The following SPOCD1 variants were observed in gnomAD, a reference collection of about 807,000 sequenced individuals.
SPOCD1 encodes the protein SPOC domain containing 1.
In SPOCD1, 64 loss-of-function variants were observed where a neutral mutation model predicts 92.2. The ratio of observed to expected loss-of-function variants is 0.69; its 90% CI spans 0.57 to 0.86. The LOEUF (loss-of-function observed/expected upper bound fraction) is 0.86, where lower values mean the gene tolerates loss of function less well. Among genes scored for constraint, SPOCD1 ranks in the 40% least tolerant of loss-of-function variants. The probability of loss-of-function intolerance (pLI) is 0.00; values close to 1 mark genes in which losing one functional copy is unlikely to be tolerated. For synonymous variants in SPOCD1, 578 were observed against 619.3 expected (o/e 0.93, Z 0.99); for missense variants, 1,360 against 1,543.1 (o/e 0.88, Z 1.99).
rs1459843018 is a variant in SPOCD1, at chr1:31,792,659, C to G, written c.2775+19G>C. ...TAAGGTACTAGGAAAAGAGGGGGTG[C>G]CCAAGAGTGGGCAGGTACCTTGGCC... On this transcript the variant is annotated intron_variant, in intron 14 of 15. Coordinates refer to ENST00000360482, the MANE Select transcript of SPOCD1 (RefSeq NM_144569.7). 6.4e-7 allele frequency: 1 copy of G among 1,568,584 alleles called. No individual in the cohort carries two copies. Among genetic ancestry groups the G allele is most frequent in the East Asian group, 2.3e-5 (1 of 43,386 alleles).
At chr1:31,792,186 A>AT in intron 15 of SPOCD1, 29 bp downstream of exon 15, 1 of 1,574,994 alleles carries the variant, frequency 6.3e-7, no homozygotes. Flanking sequence ...GAGCAGAGGC[A>AT]GGGTCTGGTA....
chr1:31,803,584 A>C (rs1399317392), intron 2 of SPOCD1, among the ~76,000 whole-genome samples: 1 of 151,732 alleles, frequency 6.6e-6, no homozygotes, highest in Non-Finnish European at 1.5e-5. Context: ...ACAAGAAAAA[A>C]AAAAAAAATA....
chr1:31,795,124 G>C (rs1454744248), intron 10 of SPOCD1: 2 of 152,240 alleles, frequency 1.3e-5, no homozygotes, highest in Non-Finnish European at 2.9e-5. Flanking sequence ...GCAGATGACA[G>C]AATCAGGGAG....
intron 2 of SPOCD1, among the ~76,000 whole-genome samples, chr1:31,812,028 C>T (rs1285350889): frequency 6.6e-6 from 1 of 152,292 alleles, no homozygotes; most frequent in Non-Finnish European, 1.5e-5. Context: ...GTCACCCCTG[C>T]ACTACTTACA....
intron 12 of SPOCD1, 115 bp downstream of exon 12, chr1:31,793,632 G>A (rs1321778658): frequency 1.0e-5 from 16 of 1,575,472 alleles, no homozygotes; most frequent in Non-Finnish European, 1.4e-5. Context: ...TCCCAAGGGA[G>A]GGAAGACTTG....
intron 14 of SPOCD1, 79 bp from the exon 15 acceptor site, chr1:31,792,480 C>T (rs774597752): frequency 8.9e-6 from 13 of 1,460,416 alleles, no homozygotes; most frequent in Middle Eastern, 1.9e-4. Flanking sequence ...CCTGAAACCC[C>T]TGAGAACCCC....
At position 31,791,420 on chromosome 1, in the gene SPOCD1, C is replaced by T. The variant is rs78278101; in HGVS notation, c.2963-129G>A. On this transcript the variant is annotated intron_variant, in intron 15 of 15. Coordinates refer to ENST00000360482, the MANE Select transcript of SPOCD1 (RefSeq NM_144569.7). ...AGTAAGTAGGAAGGTGGGGCTGTCT[C>T]GGAAGATTTGAGCTCTGCGGGATCA... 3.8e-3 allele frequency: 2,714 copies of T among 720,106 alleles called. 98 individuals are homozygous for T. In the East Asian group the frequency reaches 0.077, roughly 20 times the overall value. 44.6% of individuals were successfully genotyped at this position (720,106 alleles called of 1,614,324 possible).
At position 31,797,350 on chromosome 1, in the gene SPOCD1, A is replaced by G. The variant is rs559028499; in HGVS notation, c.2146-635T>C. ...GCCTCGTGGGCATGAGATCTGTGCA[A>G]TCGCACAGGGCCCTGCACTTAGGAG... On this transcript the variant is annotated intron_variant, in intron 9 of 15. Transcript: ENST00000360482. Among the ~76,000 whole-genome samples, 12 of 152,350 alleles carry G rather than the reference A, an allele frequency of 7.9e-5. No individual in the cohort carries two copies. In the South Asian group the frequency reaches 2.5e-3, roughly 32 times the overall value.
chr1:31,796,691 G>A lies in SPOCD1; in HGVS notation c.2170C>T (p.Gln724Ter), dbSNP rs74065943. The A allele has an allele frequency of 5.6e-6, 9 of 1,614,250 alleles. No individual in the cohort carries two copies. In the African/African-American group the frequency reaches 1.2e-4, roughly 22 times the overall value. The change falls in exon 10 of 16, where the codon CAG (glutamine) becomes TAG (stop). Residue 724 changes from glutamine (Q) to a stop codon, truncating the protein, a stop_gained. Coordinates refer to ENST00000360482, the MANE Select transcript of SPOCD1 (RefSeq NM_144569.7). LOFTEE classifies it high-confidence loss of function. ...KRGLNIIEQQ[Q>*]KEPCRLPASK... is the part of the protein sequence containing the mutation. ...GCTGGAAGTCTGCACGGCTCCTTCT[G>A]TTGCTGCTCAATGATATTCAGGCCC...
intron 2 of SPOCD1, among the ~76,000 whole-genome samples, chr1:31,806,228 A>G (rs948579802): frequency 6.6e-6 from 1 of 151,596 alleles, no homozygotes; most frequent in South Asian, 2.1e-4. Context: ...GGAATAAAAA[A>G]TAATTAATGA....
chr1:31,798,400 G>T lies in SPOCD1; in HGVS notation c.2028+42C>A, dbSNP rs771667382. ...CCCTAGCATCCTGCAGGGGCTCTGA[G>T]ATTCAGAGAGGGGACGCAGCCCAGC... On this transcript the variant is annotated intron_variant, in intron 8 of 15. Transcript: ENST00000360482. The surrounding 1 kb of genome is among the most constrained non-coding windows in gnomAD (Gnocchi z 4.1). 1.0e-5 allele frequency: 16 copies of T among 1,591,824 alleles called. No homozygotes were observed. Among genetic ancestry groups the T allele is most frequent in the South Asian group, 2.3e-5 (2 of 87,500 alleles).
rs548366731 is a variant in SPOCD1, at chr1:31,800,116, C to T, written c.1628G>A (p.Gly543Asp). The change falls in exon 5 of 16, where the codon GGC (glycine) becomes GAC (aspartate). Residue 543 changes from glycine to aspartate, a missense_variant. Around this residue, in one of 3 missense-constraint regions of SPOCD1, gnomAD observed 606 missense variants for 601.5 expected, o/e 1.01. Transcript: ENST00000360482. ...GAGGCCACCAGGGTCCCCTGCTGTGCCTCCTGAAGGAGAAGGCTGGAAAAC... is the reference window on the plus strand; with the variant it reads ...GAGGCCACCAGGGTCCCCTGCTGTGTCTCCTGAAGGAGAAGGCTGGAAAAC... ...CQVFQPSPSG[G>D]TAGDPGGLSD... 1 of 1,606,144 alleles carries T rather than the reference C, an allele frequency of 6.2e-7. No homozygotes were observed. Among genetic ancestry groups the T allele is most frequent in the East Asian group, 2.2e-5 (1 of 44,808 alleles).
rs1648338975 is a variant in SPOCD1, at chr1:31,800,113, G to A, written c.1631C>T (p.Thr544Ile). 6.2e-7 allele frequency: 1 copy of A among 1,604,596 alleles called. No homozygotes were observed. Among genetic ancestry groups the A allele is most frequent in the East Asian group, 2.2e-5 (1 of 44,832 alleles). ...QVFQPSPSGG[T>I]AGDPGGLSDP... ...AGAGAGGCCACCAGGGTCCCCTGCT[G>A]TGCCTCCTGAAGGAGAAGGCTGGAA... The change falls in exon 5 of 16, where the codon ACA becomes ATA. Residue 544 changes from threonine (T) to isoleucine (I), a missense_variant. Physicochemically the swap from Thr to Ile is moderately conservative, Grantham distance 89 (BLOSUM62 -1). This residue lies in a region of SPOCD1 where 606 missense variants were observed against 601.5 expected (regional missense o/e 1.01). Transcript: ENST00000360482.
intron 2 of SPOCD1, among the ~76,000 whole-genome samples, chr1:31,810,953 A>G (rs540959705): frequency 6.6e-6 from 1 of 152,272 alleles, no homozygotes; most frequent in East Asian, 1.9e-4. Flanking sequence ...CCACCCATAG[A>G]GCAGCTCCAA....
intron 2 of SPOCD1, among the ~76,000 whole-genome samples, chr1:31,806,736 G>T (rs1436606853): frequency 6.6e-6 from 1 of 151,976 alleles, no homozygotes; most frequent in Non-Finnish European, 1.5e-5. Context: ...TTTGTTTTCA[G>T]TAGATACAGG....
Position 31,798,714 on chromosome 1 carries a change from C to G in SPOCD1, c.1869-113G>C. Reference sequence around the variant, plus strand: ...AGGGTCTGGGCCAACTTGTTCCTGTCGTGGGTGTTTCCCTGCAGGAACCTA... The same window carrying G: ...AGGGTCTGGGCCAACTTGTTCCTGTGGTGGGTGTTTCCCTGCAGGAACCTA... On this transcript the variant is annotated intron_variant, in intron 7 of 15. Transcript: ENST00000360482. This position sits in a 1 kb window ranked among gnomAD's most constrained non-coding sequence, Gnocchi z 4.1. 1 of 1,201,616 alleles carries G rather than the reference C, an allele frequency of 8.3e-7. No individual in the cohort carries two copies. Among genetic ancestry groups the G allele is most frequent in the Non-Finnish European group, 1.2e-6 (1 of 865,082 alleles). 74.4% of individuals were successfully genotyped at this position (1,201,616 alleles called of 1,614,324 possible). A position where few individuals can be genotyped will look rare whatever the true frequency, so the allele number is the denominator to read the frequency against.
chr1:31,793,528 G>A (rs908578030), intron 12 of SPOCD1, 100 bp from the exon 13 acceptor site: 1 of 1,523,180 alleles, frequency 6.6e-7, no homozygotes, highest in Non-Finnish European at 8.9e-7. Flanking sequence ...CCCTACTGTG[G>A]GGACTGGAAC....
intron 2 of SPOCD1, among the ~76,000 whole-genome samples, chr1:31,806,584 G>C (rs1244119439): frequency 6.8e-6 from 1 of 147,380 alleles, no homozygotes; most frequent in Non-Finnish European, 1.5e-5. Flanking sequence ...TCACACTGTT[G>C]CCCAGGGTTG....
At position 31,799,480 on chromosome 1, in the gene SPOCD1, G is replaced by A; in HGVS notation, c.1789C>T (p.Leu597Phe). The A allele has an allele frequency of 6.2e-7, 1 of 1,610,534 alleles. No individual in the cohort carries two copies. Among genetic ancestry groups the A allele is most frequent in the Non-Finnish European group, 8.5e-7 (1 of 1,178,608 alleles). Residue 597 changes from leucine to phenylalanine, a missense_variant, in exon 7 of 16, where the codon CTC becomes TTC. Transcript: ENST00000360482. ...LPEQPEDSAQ[L>F]QQEKPSLYIG... ...TACAGGGATGGCTTCTCCTGTTGGAGCTGAGCTGTAGGGAGAGAGCGTCAC... is the reference window on the plus strand; with the variant it reads ...TACAGGGATGGCTTCTCCTGTTGGAACTGAGCTGTAGGGAGAGAGCGTCAC...
Sources: gnomAD v4.1 joint callset for allele counts (sites outside exome capture counted in the v4.1 genomes callset) on GRCh38, gnomAD v4.1.1 for gene constraint, gnomAD v4.1.1 regional missense constraint, Gnocchi (gnomAD v3.1) non-coding constraint, MANE v1.5 for transcripts, NCBI Gene and HGNC (gene_info 2026-07-23, HGNC 2026-07-21) for gene names.